PRRC1: variants seen among roughly 807,000 people sequenced by gnomAD.
PRRC1 encodes proline rich coiled-coil 1.
PRRC1 carries 39 observed loss-of-function variants against 40.7 expected under a neutral mutation model. The ratio of observed to expected loss-of-function variants is 0.96; its 90% CI spans 0.74 to 1.25. PRRC1 has a LOEUF of 1.25. Among genes scored for constraint, PRRC1 ranks in the 50% most tolerant of loss-of-function variants. PRRC1 has a pLI of 0.00. For synonymous variants in PRRC1, 175 were observed against 193.3 expected (o/e 0.91, Z 0.79); for missense variants, 573 against 548.3 (o/e 1.05, Z -0.45).
At chr5:127,521,443 A>G (rs1238853400) in intron 1 of PRRC1, among the ~76,000 whole-genome samples, 9 of 152,308 alleles carry the variant, frequency 5.9e-5, no homozygotes, top group Middle Eastern at 3.4e-3. Context: ...ACCCTAGCCA[A>G]TGGGGGAAAG....
rs745496404 is a variant in PRRC1 at position 127,533,768 on chromosome 5, C to A, written c.903C>A (p.Gly301=). ...GQSNIAPQPV[G]YAAGLKGAQE... ...CCAATATTGCCCCACAACCAGTGGG[C>A]TATGCAGCTGGATTAAAAGTGAGTA... Residue 301 remains glycine (G), a synonymous_variant, in exon 6 of 9, where the codon GGC becomes GGA. Coordinates refer to ENST00000296666, the MANE Select transcript of PRRC1 (RefSeq NM_130809.5). 4 of 1,614,016 alleles carry A rather than the reference C, an allele frequency of 2.5e-6. No individual in the cohort carries two copies. The South Asian group carries it at 4.4e-5, about 18-fold the overall frequency.
intron 7 of PRRC1, among the ~76,000 whole-genome samples, chr5:127,542,302 T>C (rs1419751053): frequency 6.6e-6 from 1 of 152,148 alleles, no homozygotes; most frequent in Non-Finnish European, 1.5e-5. Context: ...AAGTATGTGG[T>C]CAATTTTGGA....
At chr5:127,524,458 T>C in intron 2 of PRRC1, 73 bp from the exon 3 acceptor site, 1 of 1,475,510 alleles carries the variant, frequency 6.8e-7, no homozygotes, top group South Asian at 1.4e-5. Context: ...AAGAAGAAAG[T>C]AATTAGACAG....
intron 7 of PRRC1, among the ~76,000 whole-genome samples, chr5:127,540,812 T>C (rs1768023533): frequency 1.3e-5 from 2 of 152,140 alleles, no homozygotes; most frequent in African/African-American, 4.8e-5. Flanking sequence ...TCTTGTAAAT[T>C]TGTTTGAGTT....
chr5:127,527,488 C>CA lies in PRRC1; in HGVS notation c.654+711dup, dbSNP rs572442321. Among the ~76,000 whole-genome samples the CA allele has an allele frequency of 3.9e-5, 6 of 152,198 alleles. No homozygotes were observed. The East Asian group carries it at 7.7e-4, about 20-fold the overall frequency. ...CATGATTAGGTCTGGCATGGTGCCT[C>CA]ATGCCTGTAATCTTAACACTTTGGG... On this transcript the variant is annotated intron_variant, in intron 4 of 8. Transcript: ENST00000296666.
chr5:127,538,057 TAGAAG>T (rs573234952), intron 6 of PRRC1, among the ~76,000 whole-genome samples: 171 of 152,120 alleles, frequency 1.1e-3, no homozygotes, highest in African/African-American at 3.9e-3. Context: ...AAACTAGAGA[TAGAAG>T]AGTGAGCAAA....
At chr5:127,518,721 T>C (rs1229757593) in intron 1 of PRRC1, among the ~76,000 whole-genome samples, 9 of 151,210 alleles carry the variant, frequency 6.0e-5, no homozygotes, top group Non-Finnish European at 1.3e-4. Context: ...AACTTGTAAA[T>C]AGACATCCAC....
chr5:127,549,123 T>C (rs1768301421), intron 8 of PRRC1: 1 of 150,550 alleles, frequency 6.6e-6, no homozygotes, highest in African/African-American at 2.5e-5. Context: ...TTCAGCTTAA[T>C]TGAAGCATTA....
intron 7 of PRRC1, among the ~76,000 whole-genome samples, chr5:127,542,128 T>C (rs1382979490): frequency 1.1e-4 from 17 of 151,062 alleles, no homozygotes; most frequent in Non-Finnish European, 1.8e-4. Flanking sequence ...CATTTTGTTA[T>C]GTACCCAGTA....
At chr5:127,546,658 A>G (rs1768232421) in intron 7 of PRRC1, among the ~76,000 whole-genome samples, 1 of 152,202 alleles carries the variant, frequency 6.6e-6, no homozygotes, top group African/African-American at 2.4e-5. Flanking sequence ...CATCATAGAA[A>G]AAACTTTCCT....
intron 7 of PRRC1, among the ~76,000 whole-genome samples, chr5:127,546,719 GTA>G (rs1211069515): frequency 2.6e-5 from 4 of 152,122 alleles, no homozygotes; most frequent in Admixed American, 2.6e-4. Context: ...AGCTTGGTTA[GTA>G]TGTTATTCAC....
intron 1 of PRRC1, among the ~76,000 whole-genome samples, chr5:127,520,336 C>T (rs1014700517): frequency 6.6e-6 from 1 of 152,238 alleles, no homozygotes; most frequent in African/African-American, 2.4e-5. Flanking sequence ...AATGGCCTGT[C>T]TGCATCTGCT....
intron 7 of PRRC1, among the ~76,000 whole-genome samples, chr5:127,545,911 A>T (rs1768206067): frequency 1.5e-5 from 2 of 137,922 alleles, no homozygotes; most frequent in African/African-American, 5.1e-5. Flanking sequence ...GTATGATTAT[A>T]TGTATTTGCT....
chr5:127,534,195 C>T (rs1767840844), intron 6 of PRRC1, among the ~76,000 whole-genome samples: 1 of 152,026 alleles, frequency 6.6e-6, no homozygotes, highest in Admixed American at 6.6e-5. Flanking sequence ...TTATTTTCCT[C>T]TCTTTGTGTT....
chr5:127,517,815 G>GGTGGCATGGC (rs1295181495), intron 1 of PRRC1, 39 bp downstream of exon 1: 1 of 152,560 alleles, frequency 6.6e-6, no homozygotes, highest in African/African-American at 2.4e-5. Context: ...GTATGAGGGG[G>GGTGGCATGGC]GTGGCATGGC....
chr5:127,524,812 C>T lies in PRRC1; in HGVS notation c.385C>T (p.Pro129Ser), dbSNP rs767356076. 3.1e-6 allele frequency: 5 copies of T among 1,614,036 alleles called. No individual in the cohort carries two copies. The highest frequency in any genetic ancestry group is 1.3e-5 in the African/African-American group (1 of 74,912). The change falls in exon 3 of 9, where the codon CCT (proline) becomes TCT (serine). Residue 129 changes from proline to serine, a missense_variant. Coordinates refer to ENST00000296666, the MANE Select transcript of PRRC1 (RefSeq NM_130809.5). ...TTTACCTGCACCCCCTTCGGGTCCT[C>T]CTATATCAGGATTTTCTGTTGGTTC... ...TLLPAPPSGP[P>S]ISGFSVGSTY...
chr5:127,538,425 C>A (rs1561684660), intron 6 of PRRC1, among the ~76,000 whole-genome samples: 1 of 152,078 alleles, frequency 6.6e-6, no homozygotes, highest in African/African-American at 2.4e-5. Flanking sequence ...TAAACAGAAA[C>A]CTTTTCCCTC....
chr5:127,535,505 C>A (rs1208995892), intron 6 of PRRC1, among the ~76,000 whole-genome samples: 2 of 152,172 alleles, frequency 1.3e-5, no homozygotes, highest in African/African-American at 4.8e-5. Flanking sequence ...GTGTATGCAT[C>A]AGGCAACTCA....
intron 8 of PRRC1, 24 bp from the exon 9 acceptor site, chr5:127,551,683 A>G (rs1384391377): frequency 6.2e-7 from 1 of 1,607,678 alleles, no homozygotes; most frequent in East Asian, 2.2e-5. Context: ...TATTATAAGT[A>G]ATATCAATTT....
Sources: allele counts gnomAD v4.1 joint callset (sites outside exome capture counted in the v4.1 genomes callset), GRCh38; gene constraint gnomAD v4.1.1; transcripts MANE v1.5; gene names NCBI Gene and HGNC (gene_info 2026-07-23, HGNC 2026-07-21).